Variants in TMEM178B observed in about 807,000 individuals in gnomAD.
TMEM178B encodes the protein transmembrane protein 178B.
TMEM178B carries 5 observed loss-of-function variants against 31.0 expected under a neutral mutation model. The ratio of observed to expected loss-of-function variants is 0.16; its 90% CI spans 0.08 to 0.34. The LOEUF is 0.34. TMEM178B is among the 10% of genes least tolerant of loss of function. The pLI is 1.00. For synonymous variants in TMEM178B, 164 were observed against 164.0 expected (o/e 1.00, Z 0.00); for missense variants, 275 against 400.3 (o/e 0.69, Z 2.67).
At chr7:141,257,215 T>C (rs1388843714) in intron 2 of TMEM178B, among the ~76,000 whole-genome samples, 3 of 152,226 alleles carry the variant, frequency 2.0e-5, no homozygotes, top group Non-Finnish European at 4.4e-5. Flanking sequence ...CTTTCAAATG[T>C]AGTGAAAGCC....
chr7:141,200,130 C>T (rs1032367476), intron 1 of TMEM178B, among the ~76,000 whole-genome samples: 6 of 152,152 alleles, frequency 3.9e-5, no homozygotes, highest in African/African-American at 1.4e-4. Context: ...ATTCTCCCGC[C>T]TCGGCTTGCC....
chr7:141,273,643 CA>C (rs1275311160), intron 2 of TMEM178B, among the ~76,000 whole-genome samples: 7 of 152,106 alleles, frequency 4.6e-5, no homozygotes, highest in Non-Finnish European at 1.0e-4. Context: ...GAAAATTGAC[CA>C]GTAATTATGA....
At chr7:141,404,526 T>A (rs1321064536) in intron 2 of TMEM178B, among the ~76,000 whole-genome samples, 3 of 152,170 alleles carry the variant, frequency 2.0e-5, no homozygotes, top group South Asian at 2.1e-4. Flanking sequence ...GCTCTTCACG[T>A]GATCCTCTTC....
intron 2 of TMEM178B, among the ~76,000 whole-genome samples, chr7:141,254,187 T>C (rs1436024027): frequency 6.6e-6 from 1 of 152,204 alleles, no homozygotes; most frequent in Non-Finnish European, 1.5e-5. Flanking sequence ...CTCTCTTGTT[T>C]GATTGGCATC....
chr7:141,279,457 A>G (rs897530858), intron 2 of TMEM178B, among the ~76,000 whole-genome samples: 2 of 152,230 alleles, frequency 1.3e-5, no homozygotes, highest in Admixed American at 6.5e-5. Context: ...GAAATTTTAA[A>G]TATTGGGAAA....
intron 1 of TMEM178B, among the ~76,000 whole-genome samples, chr7:141,211,703 CA>C (rs1797055799): frequency 6.6e-6 from 1 of 152,146 alleles, no homozygotes; most frequent in African/African-American, 2.4e-5. Context: ...TTGGAATTTG[CA>C]AACATAAAGG....
intron 2 of TMEM178B, among the ~76,000 whole-genome samples, chr7:141,249,124 A>C (rs1797787372): frequency 6.6e-6 from 1 of 152,084 alleles, no homozygotes; most frequent in Admixed American, 6.6e-5. Context: ...CCCCACCCAA[A>C]TCTCATCTTG....
intron 2 of TMEM178B, among the ~76,000 whole-genome samples, chr7:141,399,847 T>C (rs1800728880): frequency 6.6e-6 from 1 of 152,204 alleles, no homozygotes; most frequent in Non-Finnish European, 1.5e-5. Flanking sequence ...TTTAAAGTTA[T>C]GTCTTACTTT....
At chr7:141,415,835 G>A (rs1801086213) in intron 2 of TMEM178B, among the ~76,000 whole-genome samples, 1 of 152,200 alleles carries the variant, frequency 6.6e-6, no homozygotes, top group African/African-American at 2.4e-5. Context: ...CCAATCAGCT[G>A]TGAGAGATGT....
chr7:141,290,519 TCACACA>T (rs1798526953), intron 2 of TMEM178B, among the ~76,000 whole-genome samples: 1 of 151,974 alleles, frequency 6.6e-6, no homozygotes, highest in Non-Finnish European at 1.5e-5. Context: ...CATTCCTCCT[TCACACA>T]CATACACATG....
chr7:141,508,285 C>T, the TMEM178B span, among the ~76,000 whole-genome samples: 3 of 152,224 alleles, frequency 2.0e-5, no homozygotes, highest in Admixed American at 2.0e-4. Flanking sequence ...CACCTTTACT[C>T]CAGTTACCAA....
intron 1 of TMEM178B, among the ~76,000 whole-genome samples, chr7:141,130,425 T>G (rs1425883905): frequency 6.6e-6 from 1 of 152,210 alleles, no homozygotes; most frequent in Non-Finnish European, 1.5e-5. Context: ...TGTAATTGTA[T>G]AGTATGTGAT....
intron 2 of TMEM178B, among the ~76,000 whole-genome samples, chr7:141,348,060 A>G (rs1799650277): frequency 6.6e-6 from 1 of 152,194 alleles, no homozygotes; most frequent in African/African-American, 2.4e-5. Context: ...TTTAGCAACA[A>G]TGCTTACATA....
intron 1 of TMEM178B, among the ~76,000 whole-genome samples, chr7:141,110,563 CAT>C (rs1252339173): frequency 4.6e-5 from 7 of 152,336 alleles, no homozygotes; most frequent in South Asian, 4.1e-4. Flanking sequence ...CTGTTCTCCA[CAT>C]GTGTCCTCTC....
intron 2 of TMEM178B, among the ~76,000 whole-genome samples, chr7:141,361,543 G>A (rs1254950362): frequency 6.6e-6 from 1 of 152,140 alleles, no homozygotes; most frequent in Non-Finnish European, 1.5e-5. Context: ...AAAAATCTAT[G>A]TTTCTGATCT....
chr7:141,274,925 C>T (rs1011339930), intron 2 of TMEM178B, among the ~76,000 whole-genome samples: 4 of 152,122 alleles, frequency 2.6e-5, no homozygotes, highest in Non-Finnish European at 5.9e-5. Context: ...TGGAACCAAA[C>T]GAGTGAAGTC....
chr7:141,443,225 TAAC>T (rs1801693726), intron 3 of TMEM178B, among the ~76,000 whole-genome samples: 1 of 152,222 alleles, frequency 6.6e-6, no homozygotes, highest in Admixed American at 6.5e-5. Context: ...CCTGTATTAT[TAAC>T]ATGTTACATG....
At chr7:141,092,380 T>G (rs1370284260) in intron 1 of TMEM178B, among the ~76,000 whole-genome samples, 1 of 152,180 alleles carries the variant, frequency 6.6e-6, no homozygotes, top group African/African-American at 2.4e-5. Flanking sequence ...GCTGAGTTTC[T>G]TGACTTGAAG....
At chr7:141,412,565 T>C (rs554070030) in intron 2 of TMEM178B, among the ~76,000 whole-genome samples, 1 of 152,348 alleles carries the variant, frequency 6.6e-6, no homozygotes, top group Non-Finnish European at 1.5e-5. Flanking sequence ...ATTCCACTTA[T>C]ACATTTAGAT....
Sources: allele counts gnomAD v4.1 joint callset (sites outside exome capture counted in the v4.1 genomes callset), GRCh38; gene constraint gnomAD v4.1.1; transcripts MANE v1.5; gene names NCBI Gene and HGNC (gene_info 2026-07-23, HGNC 2026-07-21).